The following GABPB2 variants were observed in gnomAD, a reference collection of about 807,000 sequenced individuals.
GABPB2 encodes GA binding protein transcription factor subunit beta 2, also known as GA-binding protein subunit beta-2.
A neutral mutation model predicts 39.1 loss-of-function variants in GABPB2; 23 were observed. The ratio of observed to expected loss-of-function variants is 0.59; its 90% CI spans 0.42 to 0.83. GABPB2 has a LOEUF of 0.83. Among genes scored for constraint, GABPB2 ranks in the 40% least tolerant of loss-of-function variants. The probability of loss-of-function intolerance (pLI) is 0.00; values close to 1 mark genes in which losing one functional copy is unlikely to be tolerated. For missense variants in GABPB2, 467 were observed against 541.1 expected, an observed-to-expected ratio of 0.86 and a Z score of 1.36; for synonymous variants, 184 against 199.3, an observed-to-expected ratio of 0.92 and a Z score of 0.65.
chr1:151,111,513 C>T (rs1680425766), intron 7 of GABPB2, among the ~76,000 whole-genome samples: 1 of 151,938 alleles, frequency 6.6e-6, no homozygotes, highest in African/African-American at 2.4e-5. Flanking sequence ...AGCTCCACCT[C>T]CCGGGTTGAC....
chr1:151,083,884 G>A (rs1300744891), intron 1 of GABPB2, among the ~76,000 whole-genome samples: 2 of 149,970 alleles, frequency 1.3e-5, no homozygotes, highest in Non-Finnish European at 3.0e-5. Context: ...GTCATTACAG[G>A]CACCCGCCAC....
rs2101501581 is a variant in GABPB2 at position 151,093,334 on chromosome 1, C to T, written c.419C>T (p.Ala140Val). 6.2e-7 allele frequency: 1 copy of T among 1,610,932 alleles called. No homozygotes were observed. Among genetic ancestry groups the T allele is most frequent in the East Asian group, 2.2e-5 (1 of 44,630 alleles). The change falls in exon 4 of 9, where the codon GCC becomes GTC. Residue 140 changes from alanine (A) to valine (V), a missense_variant. Physicochemically the swap from Ala to Val is moderately conservative, Grantham distance 64. Transcript: ENST00000368918. ...VHAFSKFDKS[A>V]FDIALEKNNA... ...GCTTTCAGCAAATTTGATAAATCAG[C>T]CTTTGACATAGCTCTGGAGAAAAAC...
chr1:151,094,136 C>T (rs1000082523), intron 4 of GABPB2, among the ~76,000 whole-genome samples: 1 of 144,442 alleles, frequency 6.9e-6, no homozygotes, highest in African/African-American at 2.6e-5. Context: ...ACTGCAGCCT[C>T]CATTTCCTGG....
chr1:151,097,969 C>G lies in GABPB2; in HGVS notation c.589C>G (p.Leu197Val), dbSNP rs1172028203. The change falls in exon 5 of 9, where the codon CTT becomes GTT. Residue 197 changes from leucine to valine, a missense_variant. Coordinates refer to ENST00000368918, the MANE Select transcript of GABPB2 (RefSeq NM_144618.3). ...GGGTGAGGTTGTTAACCTCGCAAGCCTTATTTCTTCAACCAACACCAAAAC... is the reference window on the plus strand; with the variant it reads ...GGGTGAGGTTGTTAACCTCGCAAGCGTTATTTCTTCAACCAACACCAAAAC... Reference protein sequence around the residue: ...TSGEVVNLASLISSTNTKTTS... With the variant: ...TSGEVVNLASVISSTNTKTTS... The G allele has an allele frequency of 6.2e-7, 1 of 1,613,906 alleles. No individual in the cohort carries two copies. Among genetic ancestry groups the G allele is most frequent in the African/African-American group, 1.3e-5 (1 of 74,896 alleles).
chr1:151,088,326 A>G, intron 2 of GABPB2, 29 bp downstream of exon 2: 1 of 1,556,232 alleles, frequency 6.4e-7, no homozygotes, highest in Non-Finnish European at 8.8e-7. Context: ...TCTCTTAATT[A>G]TTTCCAATGT....
At chr1:151,087,831 A>T (rs982705992) in intron 1 of GABPB2, among the ~76,000 whole-genome samples, 4 of 152,168 alleles carry the variant, frequency 2.6e-5, no homozygotes, top group Non-Finnish European at 4.4e-5. Flanking sequence ...ATCAAAGTAC[A>T]TACTTTATTA....
At chr1:151,076,046 A>G (rs58595390) in intron 1 of GABPB2, among the ~76,000 whole-genome samples, 4,832 of 152,236 alleles carry the variant, frequency 0.032, 261 homozygotes, top group African/African-American at 0.11. Flanking sequence ...GCTATTCATA[A>G]CTCCAACAAA....
rs587736543 is a variant in GABPB2, at chr1:151,086,536, G to A, written c.1-1654G>A. 2.0e-5 allele frequency among the ~76,000 whole-genome samples: 3 copies of A among 152,226 alleles called. No individual in the cohort carries two copies. The South Asian group carries it at 6.2e-4, about 32-fold the overall frequency. On this transcript the variant is annotated intron_variant, in intron 1 of 8. Coordinates refer to ENST00000368918, the MANE Select transcript of GABPB2 (RefSeq NM_144618.3). ...AAGAAAAAAGGCAAATAATGTTTTT[G>A]TATTATAACAAAAATAGTTTTGACC...
intron 1 of GABPB2, among the ~76,000 whole-genome samples, chr1:151,082,322 C>T (rs1227414531): frequency 6.6e-6 from 1 of 151,142 alleles, no homozygotes; most frequent in Non-Finnish European, 1.5e-5. Context: ...GATGATCCAC[C>T]CGCTTTGGCC....
At chr1:151,107,610 G>A (rs1034528837) in intron 7 of GABPB2, among the ~76,000 whole-genome samples, 1 of 151,652 alleles carries the variant, frequency 6.6e-6, no homozygotes, top group African/African-American at 2.4e-5. Context: ...CACGCACCCG[G>A]GTTCACCGCG....
chr1:151,117,445 G>A lies in GABPB2; in HGVS notation c.976G>A (p.Glu326Lys). The A allele has an allele frequency of 6.2e-7, 1 of 1,613,798 alleles. No homozygotes were observed. The highest frequency in any genetic ancestry group is 1.1e-5 in the South Asian group (1 of 91,076). ...AGAGGAGACTGTAATTAAAGAGGAA[G>A]AAGAAGAGAAGTTGCCACTAACAAA... Reference protein sequence around the residue: ...VAEETVIKEEEEEKLPLTKKP... With the variant: ...VAEETVIKEEKEEKLPLTKKP... Residue 326 changes from glutamate to lysine, a missense_variant, in exon 8 of 9, where the codon GAA (glutamate) becomes AAA (lysine). Glu to Lys is a moderately conservative substitution (Grantham distance 56). Transcript: ENST00000368918.
chr1:151,118,473 C>A lies in GABPB2; in HGVS notation c.*217C>A. On this transcript the variant is annotated 3_prime_UTR_variant, in exon 9 of 9. Transcript: ENST00000368918. Reference sequence around the variant, plus strand: ...TCTGAGGGGCCAAAAGAATAAAGGACCAAATTTCTTAGCTCATATCATTGC... The same window carrying A: ...TCTGAGGGGCCAAAAGAATAAAGGAACAAATTTCTTAGCTCATATCATTGC... 2.1e-6 allele frequency: 1 copy of A among 469,950 alleles called. No individual in the cohort carries two copies. The highest frequency in any genetic ancestry group is 3.8e-6 in the Non-Finnish European group (1 of 264,702). The allele number at this position is 469,950 out of a possible 1,614,324, so 29.1% of individuals were successfully genotyped here.
intron 1 of GABPB2, among the ~76,000 whole-genome samples, chr1:151,078,747 C>G (rs1677404771): frequency 6.6e-6 from 1 of 151,974 alleles, no homozygotes; most frequent in South Asian, 2.1e-4. Flanking sequence ...TCAAGTGATT[C>G]TCCTGCCTCA....
chr1:151,096,626 T>C (rs1679117764), intron 4 of GABPB2, among the ~76,000 whole-genome samples: 2 of 152,126 alleles, frequency 1.3e-5, no homozygotes, highest in Admixed American at 1.3e-4. Flanking sequence ...GTAATAAAGA[T>C]AAGCTACTTT....
chr1:151,075,668 C>T (rs1677110995), intron 1 of GABPB2, among the ~76,000 whole-genome samples: 1 of 151,428 alleles, frequency 6.6e-6, no homozygotes, highest in Admixed American at 6.6e-5. Flanking sequence ...GAGACTGCAC[C>T]ACTGGACTCC....
At chr1:151,091,486 A>C (rs1366668955) in intron 3 of GABPB2, among the ~76,000 whole-genome samples, 1 of 149,710 alleles carries the variant, frequency 6.7e-6, no homozygotes, top group Non-Finnish European at 1.5e-5. Flanking sequence ...AAAAAAAAAA[A>C]AAAAAAAAGA....
chr1:151,093,903 A>G (rs910056839), intron 4 of GABPB2, among the ~76,000 whole-genome samples: 3 of 152,098 alleles, frequency 2.0e-5, no homozygotes, highest in Non-Finnish European at 2.9e-5. Context: ...ATCATAAGTC[A>G]GATCACTTTC....
chr1:151,071,453 C>CTTTTT (rs71090124), intron 1 of GABPB2, among the ~76,000 whole-genome samples: 4,824 of 100,466 alleles, frequency 0.048, 446 homozygotes, highest in African/African-American at 0.096. Flanking sequence ...CTTTTTTGCT[C>CTTTTT]TTTTTTTTTT....
At position 151,093,264 on chromosome 1, in the gene GABPB2, C is replaced by T. The variant is rs372326504; in HGVS notation, c.349C>T (p.Arg117Ter). 7 of 1,612,710 alleles carry T rather than the reference C, an allele frequency of 4.3e-6. No individual in the cohort carries two copies. Among genetic ancestry groups the T allele is most frequent in the Admixed American group, 1.7e-5 (1 of 59,684 alleles). ...ALHWATERHH[R>*]DVVELLIKYG... ...GCATTGGGCCACAGAGCGCCACCAT[C>T]GAGATGTCGTAGAGTTACTTATCAA... The change falls in exon 4 of 9, where the codon CGA (arginine) becomes TGA (stop). Residue 117 changes from arginine to a stop codon, truncating the protein, a stop_gained. Coordinates refer to ENST00000368918, the MANE Select transcript of GABPB2 (RefSeq NM_144618.3). LOFTEE classifies it high-confidence loss of function.
Sources: allele counts gnomAD v4.1 joint callset (sites outside exome capture counted in the v4.1 genomes callset), GRCh38; gene constraint gnomAD v4.1.1; transcripts MANE v1.5; gene names NCBI Gene and HGNC (gene_info 2026-07-23, HGNC 2026-07-21).